The following EDC3 variants were observed in gnomAD, a reference collection of about 807,000 sequenced individuals.
EDC3 encodes enhancer of mRNA-decapping protein 3.
EDC3 carries 20 observed loss-of-function variants against 41.8 expected under a neutral mutation model. That is an observed-to-expected ratio of 0.48 (90% CI 0.34 to 0.70). EDC3 has a LOEUF of 0.70. EDC3 is among the 30% of genes least tolerant of loss of function. EDC3 has a pLI of 0.01. For missense variants in EDC3, 444 were observed against 636.8 expected, an observed-to-expected ratio of 0.70 and a Z score of 3.26; for synonymous variants, 206 against 243.2, an observed-to-expected ratio of 0.85 and a Z score of 1.42.
intron 3 of EDC3, among the ~76,000 whole-genome samples, chr15:74,667,576 TAA>T (rs762908484): frequency 8.4e-5 from 10 of 119,604 alleles, no homozygotes; most frequent in Admixed American, 8.5e-5. Flanking sequence ...ACCTAAGTAC[TAA>T]AAAAAAAAAA....
chr15:74,668,872 C>G (rs957819901), intron 3 of EDC3, among the ~76,000 whole-genome samples: 2 of 152,146 alleles, frequency 1.3e-5, no homozygotes, highest in African/African-American at 4.8e-5. Flanking sequence ...TTGCAAACAT[C>G]GTCATTTCAG....
At chr15:74,636,963 T>C (rs1346429584) in intron 5 of EDC3, 3 of 152,142 alleles carry the variant, frequency 2.0e-5, no homozygotes, top group African/African-American at 4.8e-5. Context: ...GTAGAGTATA[T>C]GGGCACTGGA....
chr15:74,666,082 G>A (rs1275654855), intron 3 of EDC3, among the ~76,000 whole-genome samples: 2 of 151,982 alleles, frequency 1.3e-5, no homozygotes, highest in East Asian at 3.9e-4. Flanking sequence ...ACAGGCATAA[G>A]CCACCACACC....
rs764076986 is a variant in EDC3, at chr15:74,635,463, T to G, written c.1138A>C (p.Asn380His). The G allele has an allele frequency of 1.6e-5, 26 of 1,614,240 alleles. No homozygotes were observed. The highest frequency in any genetic ancestry group is 2.1e-5 in the Non-Finnish European group (25 of 1,180,040). ...GTCTTGCTGAAGAGCGACAGCTCAT[T>G]GGTGATAGATTCCAACATCTTGACA... Reference protein sequence around the residue: ...NFVKMLESITNELSLFSKTQG... With the variant: ...NFVKMLESITHELSLFSKTQG... Residue 380 changes from asparagine to histidine, a missense_variant, in exon 6 of 7, where the codon AAT (asparagine) becomes CAT (histidine). Around this residue, in one of 3 missense-constraint regions of EDC3, gnomAD observed 242 missense variants for 363.8 expected, o/e 0.67. Transcript: ENST00000315127.
At position 74,662,765 on chromosome 15, in the gene EDC3, C is replaced by T. The variant is rs1022635542; in HGVS notation, c.485-6697G>A. Among the ~76,000 whole-genome samples, 75 of 152,240 alleles carry T rather than the reference C, an allele frequency of 4.9e-4. 1 individual carries two copies. The highest frequency in any genetic ancestry group is 1.7e-3 in the African/African-American group (71 of 41,540). On this transcript the variant is annotated intron_variant, in intron 3 of 6. Coordinates refer to ENST00000315127, the MANE Select transcript of EDC3 (RefSeq NM_025083.5). Reference sequence around the variant, plus strand: ...GTTAAGGAAGCAAAATGGGAAATCACTCCCATTCAGATAAAACCCAAAGCT... The same window carrying T: ...GTTAAGGAAGCAAAATGGGAAATCATTCCCATTCAGATAAAACCCAAAGCT...
chr15:74,649,437 T>A (rs1425035084), intron 4 of EDC3, among the ~76,000 whole-genome samples: 1 of 152,112 alleles, frequency 6.6e-6, no homozygotes, highest in Non-Finnish European at 1.5e-5. Flanking sequence ...GTTATTAGTA[T>A]ATTTACATAT....
chr15:74,673,838 A>G, intron 2 of EDC3, among the ~76,000 whole-genome samples: 1 of 129,606 alleles, frequency 7.7e-6, no homozygotes, highest in East Asian at 2.0e-4. Context: ...AGACTCCATC[A>G]AAAAAAAAAA....
intron 1 of EDC3, among the ~76,000 whole-genome samples, chr15:74,691,152 GAAA>G (rs1486727505): frequency 6.7e-6 from 1 of 148,156 alleles, no homozygotes; most frequent in African/African-American, 2.5e-5. Context: ...AAAAAAAAAA[GAAA>G]AAAATGAAAT....
At chr15:74,636,488 CAG>C (rs961815043) in intron 5 of EDC3, 5 of 152,220 alleles carry the variant, frequency 3.3e-5, no homozygotes, top group African/African-American at 1.2e-4. Context: ...CCTCTAGACT[CAG>C]AGAAGCCACA....
At chr15:74,683,442 G>C (rs2062897452) in intron 1 of EDC3, among the ~76,000 whole-genome samples, 1 of 152,212 alleles carries the variant, frequency 6.6e-6, no homozygotes, top group Admixed American at 6.5e-5. Context: ...GGCTGAGGCA[G>C]GAGAATCACT....
intron 1 of EDC3, among the ~76,000 whole-genome samples, chr15:74,689,304 T>C (rs1227298518): frequency 6.6e-6 from 1 of 152,202 alleles, no homozygotes; most frequent in Non-Finnish European, 1.5e-5. Flanking sequence ...ACTATTGTTC[T>C]CTTCAACTTA....
At position 74,687,431 on chromosome 15, in the gene EDC3, T is replaced by C. The variant is rs886972207; in HGVS notation, c.-19+8449A>G. Among the ~76,000 whole-genome samples, 4 of 152,330 alleles carry C rather than the reference T, an allele frequency of 2.6e-5. No homozygotes were observed. The East Asian group carries it at 5.8e-4, about 22-fold the overall frequency. On this transcript the variant is annotated intron_variant, in intron 1 of 6. Coordinates refer to ENST00000315127, the MANE Select transcript of EDC3 (RefSeq NM_025083.5). ...CTCTGTCGCCCAGGCTAGAGTGCAG[T>C]GGCGCAATCTTGGCTCACTGCAACT... is the stretch of plus-strand genomic sequence containing the variant.
chr15:74,690,742 T>C (rs1457327901), intron 1 of EDC3, among the ~76,000 whole-genome samples: 2 of 151,238 alleles, frequency 1.3e-5, no homozygotes, highest in Admixed American at 1.3e-4. Flanking sequence ...AGGCCAGGAG[T>C]TTCAGACCAG....
intron 1 of EDC3, among the ~76,000 whole-genome samples, chr15:74,687,944 T>A (rs1424011115): frequency 6.6e-6 from 1 of 152,260 alleles, no homozygotes; most frequent in Non-Finnish European, 1.5e-5. Context: ...ACTGATGTTG[T>A]GCATTCAAGT....
intron 3 of EDC3, among the ~76,000 whole-genome samples, chr15:74,668,960 G>A (rs1374851625): frequency 1.3e-5 from 2 of 152,072 alleles, no homozygotes; most frequent in East Asian, 3.9e-4. Flanking sequence ...TTTAGGCCAG[G>A]TGCAGTGGCT....
At chr15:74,647,869 C>T (rs1286999116) in intron 4 of EDC3, among the ~76,000 whole-genome samples, 1 of 152,178 alleles carries the variant, frequency 6.6e-6, no homozygotes, top group African/African-American at 2.4e-5. Flanking sequence ...CAGGTTTATC[C>T]AGTGCAGGTG....
chr15:74,667,369 T>C (rs2062686820), intron 3 of EDC3, among the ~76,000 whole-genome samples: 1 of 150,958 alleles, frequency 6.6e-6, no homozygotes, highest in African/African-American at 2.4e-5. Context: ...ATTTTCTTGC[T>C]GTCAGCTATA....
rs1478321294 is a variant in EDC3, at chr15:74,632,622, T to G, written c.1517A>C (p.His506Pro). The change falls in exon 7 of 7, where the codon CAC (histidine) becomes CCC (proline). Residue 506 changes from histidine (H) to proline (P), a missense_variant. Physicochemically the swap from His to Pro is moderately conservative, Grantham distance 77. Coordinates refer to ENST00000315127, the MANE Select transcript of EDC3 (RefSeq NM_025083.5). This position sits in a 1 kb window ranked among gnomAD's most constrained non-coding sequence, Gnocchi z 4.0. Reference protein sequence around the residue: ...PFGCKFVIPLHSA With the variant: ...PFGCKFVIPLPSA Reference sequence around the variant, plus strand: ...CTGCGCAGGAACCCTCTAAGCAGAGTGCAGTGGGATAACAAACTTGCAGCC... The same window carrying G: ...CTGCGCAGGAACCCTCTAAGCAGAGGGCAGTGGGATAACAAACTTGCAGCC... The G allele has an allele frequency of 6.2e-7, 1 of 1,613,606 alleles. No homozygotes were observed. The highest frequency in any genetic ancestry group is 8.5e-7 in the Non-Finnish European group (1 of 1,179,944).
At chr15:74,638,024 A>C (rs1000199067) in intron 5 of EDC3, 1 of 152,212 alleles carries the variant, frequency 6.6e-6, no homozygotes, top group African/African-American at 2.4e-5. Context: ...GAAAAATCCA[A>C]CAGGCACTTG....
Sources: allele counts gnomAD v4.1 joint callset (sites outside exome capture counted in the v4.1 genomes callset), GRCh38; gene constraint gnomAD v4.1.1; regional missense constraint gnomAD v4.1.1; non-coding constraint Gnocchi (gnomAD v3.1); transcripts MANE v1.5; gene names NCBI Gene and HGNC (gene_info 2026-07-23, HGNC 2026-07-21).